MAMDC2: variants seen among roughly 807,000 people sequenced by gnomAD.
MAMDC2 encodes MAM domain-containing protein 2.
In MAMDC2, 57 loss-of-function variants were observed where a neutral mutation model predicts 89.8. That is an observed-to-expected ratio of 0.63 (90% CI 0.51 to 0.79). MAMDC2 has a LOEUF of 0.79. MAMDC2 is among the 30% of genes least tolerant of loss of function. The probability of loss-of-function intolerance (pLI) is 0.00; values close to 1 mark genes in which losing one functional copy is unlikely to be tolerated. For missense variants in MAMDC2, 800 were observed against 820.6 expected (o/e 0.97, Z 0.31); for synonymous variants, 313 against 293.4 (o/e 1.07, Z -0.68).
At chr9:70,091,033 T>C (rs1459329767) in intron 2 of MAMDC2, among the ~76,000 whole-genome samples, 1 of 152,068 alleles carries the variant, frequency 6.6e-6, no homozygotes, top group African/African-American at 2.4e-5. Flanking sequence ...GTTAACTGTT[T>C]GTAGAAAAAT....
At chr9:70,220,570 G>A (rs1168701830) in intron 12 of MAMDC2, among the ~76,000 whole-genome samples, 2 of 152,208 alleles carry the variant, frequency 1.3e-5, no homozygotes, top group Non-Finnish European at 2.9e-5. Context: ...TACATGCCAG[G>A]CACTTACAGT....
At chr9:70,098,095 T>C (rs1273659340) in intron 2 of MAMDC2, among the ~76,000 whole-genome samples, 1 of 152,212 alleles carries the variant, frequency 6.6e-6, no homozygotes. Flanking sequence ...ATATACTTTA[T>C]GGAAATGGAT....
intron 2 of MAMDC2, among the ~76,000 whole-genome samples, chr9:70,054,083 G>A (rs1248868781): frequency 6.6e-6 from 1 of 152,116 alleles, no homozygotes; most frequent in African/African-American, 2.4e-5. Context: ...CATGCTTAGG[G>A]TAGAAAAAGA....
intron 2 of MAMDC2, among the ~76,000 whole-genome samples, chr9:70,061,507 C>G (rs1827150299): frequency 1.3e-5 from 2 of 152,178 alleles, no homozygotes; most frequent in African/African-American, 4.8e-5. Context: ...CATATCTCTT[C>G]CTTCTCTTCA....
At chr9:70,221,084 A>G (rs1019299466) in intron 12 of MAMDC2, among the ~76,000 whole-genome samples, 3 of 151,954 alleles carry the variant, frequency 2.0e-5, no homozygotes, top group African/African-American at 4.8e-5. Context: ...TCTCATCTCA[A>G]TAAGTACGTA....
intron 12 of MAMDC2, among the ~76,000 whole-genome samples, chr9:70,221,853 AAAG>A (rs2033572278): frequency 1.3e-5 from 2 of 152,184 alleles, no homozygotes; most frequent in African/African-American, 4.8e-5. Context: ...TGGTGAGGTC[AAAG>A]AAGTATTGTG....
chr9:70,096,410 A>C (rs1828028416), intron 2 of MAMDC2, among the ~76,000 whole-genome samples: 1 of 152,094 alleles, frequency 6.6e-6, no homozygotes, highest in Non-Finnish European at 1.5e-5. Context: ...GGCCATTGCA[A>C]CTCCAGTCCA....
chr9:70,191,916 T>C (rs1445223199), intron 11 of MAMDC2, among the ~76,000 whole-genome samples: 1 of 152,142 alleles, frequency 6.6e-6, no homozygotes, highest in African/African-American at 2.4e-5. Context: ...GATTGCCAAG[T>C]GATGGGATCA....
chr9:70,185,870 C>T lies in MAMDC2; in HGVS notation c.1651+15239C>T, dbSNP rs555892596. Among the ~76,000 whole-genome samples the T allele has an allele frequency of 1.9e-3, 286 of 152,268 alleles. 1 individual carries two copies. The highest frequency in any genetic ancestry group is 6.8e-3 in the Middle Eastern group (2 of 294). Reference sequence around the variant, plus strand: ...CCACTTGGCTCCCTGGCTTCAGCTCCCTTTCCAGGAAAGTGAACGGTTCTG... The same window carrying T: ...CCACTTGGCTCCCTGGCTTCAGCTCTCTTTCCAGGAAAGTGAACGGTTCTG... On this transcript the variant is annotated intron_variant, in intron 11 of 13. Transcript: ENST00000377182.
intron 8 of MAMDC2, 122 bp downstream of exon 8, chr9:70,140,410 G>A (rs2031173230): frequency 1.6e-5 from 17 of 1,030,814 alleles, no homozygotes; most frequent in Non-Finnish European, 2.2e-5. Context: ...AAGAAGCAAA[G>A]ACAATCAGTA....
chr9:70,085,045 C>G (rs982354244), intron 2 of MAMDC2, among the ~76,000 whole-genome samples: 2 of 151,808 alleles, frequency 1.3e-5, no homozygotes, highest in South Asian at 4.2e-4. Context: ...ATATAAGTAC[C>G]CAAAATAGAC....
chr9:70,123,649 G>A (rs1406836563), intron 5 of MAMDC2, among the ~76,000 whole-genome samples: 1 of 152,170 alleles, frequency 6.6e-6, no homozygotes, highest in East Asian at 1.9e-4. Flanking sequence ...GGGTGCAGAG[G>A]TCATTAGCTA....
chr9:70,170,203 C>G, intron 10 of MAMDC2: 1 of 361,076 alleles, frequency 2.8e-6, no homozygotes, highest in Non-Finnish European at 4.9e-6. Flanking sequence ...AAGAAATTCA[C>G]AAAAATTCAC....
At chr9:70,172,146 A>G (rs1401857480) in intron 11 of MAMDC2, 1 of 152,256 alleles carries the variant, frequency 6.6e-6, no homozygotes, top group Non-Finnish European at 1.5e-5. Context: ...AGACATTAGA[A>G]CAATTAGATA....
intron 12 of MAMDC2, among the ~76,000 whole-genome samples, chr9:70,222,503 C>A (rs1338539469): frequency 2.0e-5 from 3 of 152,006 alleles, no homozygotes. Context: ...ATGTGGGTGG[C>A]CTCCTAAAGG....
At chr9:70,049,667 G>C (rs1268526021) in intron 2 of MAMDC2, among the ~76,000 whole-genome samples, 2 of 152,154 alleles carry the variant, frequency 1.3e-5, no homozygotes, top group East Asian at 1.9e-4. Flanking sequence ...CATTGTATGG[G>C]GGCTGGAAAT....
chr9:70,078,225 C>T (rs545930521), intron 2 of MAMDC2, among the ~76,000 whole-genome samples: 179 of 152,248 alleles, frequency 1.2e-3, no homozygotes, highest in Non-Finnish European at 2.0e-3. Context: ...ATCTGTGTAT[C>T]TTACTAACCT....
intron 11 of MAMDC2, among the ~76,000 whole-genome samples, chr9:70,204,527 C>T (rs1485973278): frequency 6.7e-6 from 1 of 149,600 alleles, no homozygotes; most frequent in African/African-American, 2.5e-5. Flanking sequence ...GTGCCCTGCC[C>T]CCAGAGGTGG....
intron 9 of MAMDC2, among the ~76,000 whole-genome samples, chr9:70,149,550 G>A (rs769291196): frequency 6.6e-6 from 1 of 152,128 alleles, no homozygotes; most frequent in Non-Finnish European, 1.5e-5. Flanking sequence ...TCAGGAAGAG[G>A]GTATTGCCTT....
Sources: allele counts gnomAD v4.1 joint callset (sites outside exome capture counted in the v4.1 genomes callset), GRCh38; gene constraint gnomAD v4.1.1; transcripts MANE v1.5; gene names NCBI Gene and HGNC (gene_info 2026-07-23, HGNC 2026-07-21).